Variants in EXD3 observed in about 807,000 individuals in gnomAD.
EXD3 encodes exonuclease 3'-5' domain containing 3.
A neutral mutation model predicts 98.0 loss-of-function variants in EXD3; 92 were observed. That is an observed-to-expected ratio of 0.94 (90% CI 0.79 to 1.12). EXD3 has a LOEUF of 1.12. Ranked by LOEUF, EXD3 falls within the 50% of genes most tolerant of loss-of-function variation. The pLI is 0.00. For missense variants in EXD3, 1,222 were observed against 1,191.6 expected, an observed-to-expected ratio of 1.03 and a Z score of -0.38; for synonymous variants, 569 against 526.0, an observed-to-expected ratio of 1.08 and a Z score of -1.12.
At chr9:137,369,136 C>T (rs1358136514) in intron 5 of EXD3, among the ~76,000 whole-genome samples, 1 of 115,464 alleles carries the variant, frequency 8.7e-6, no homozygotes, top group East Asian at 2.5e-4. Flanking sequence ...TGGGGAGGGG[C>T]GCAGGGCCGG....
rs1339042194 is a variant in EXD3, at chr9:137,401,158, T to TC, written c.-47-5755_-47-5754insG. Among the ~76,000 whole-genome samples, 5 of 146,734 alleles carry TC rather than the reference T, an allele frequency of 3.4e-5. No homozygotes were observed. In the South Asian group the frequency reaches 1.2e-3, roughly 34 times the overall value. On this transcript the variant is annotated intron_variant, in intron 1 of 21. Transcript: ENST00000340951. ...GGGGGCTCCCACCCATTTCCTTTTT[T>TC]TTTTTTTTTTTTTGAGATGGTGTCT...
chr9:137,341,273 C>T (rs906907712), intron 17 of EXD3, among the ~76,000 whole-genome samples: 2 of 152,172 alleles, frequency 1.3e-5, no homozygotes, highest in Admixed American at 1.3e-4. Context: ...GCTGTGATCA[C>T]ACCACTACAC....
At chr9:137,370,001 A>C (rs929168748) in intron 5 of EXD3, among the ~76,000 whole-genome samples, 16 of 152,130 alleles carry the variant, frequency 1.1e-4, no homozygotes, top group Non-Finnish European at 2.4e-4. Flanking sequence ...CCCGGAGCCC[A>C]GTGGGGGCTC....
intron 17 of EXD3, among the ~76,000 whole-genome samples, chr9:137,325,288 T>C (rs1020144750): frequency 6.6e-6 from 1 of 152,044 alleles, no homozygotes; most frequent in Non-Finnish European, 1.5e-5. Flanking sequence ...AAAGCAACAG[T>C]GAAGAGCCAA....
chr9:137,406,351 C>A (rs1837714487), intron 1 of EXD3, among the ~76,000 whole-genome samples: 1 of 144,166 alleles, frequency 6.9e-6, no homozygotes, highest in Non-Finnish European at 1.5e-5. Flanking sequence ...GAGGCCCCTG[C>A]ACAGAACCAG....
rs1831085007 is a variant in EXD3 at position 137,307,143 on chromosome 9, A to G, written c.2438T>C (p.Leu813Pro). ...CAGCACACCCACCGGGACCCCTGCC[A>G]GCTGCAGCCGGGTGCCGTCGGCCAG... is the stretch of plus-strand genomic sequence containing the variant. Reference protein sequence around the residue: ...DMLADGTRLQLAGVPVGVLRT... With the variant: ...DMLADGTRLQPAGVPVGVLRT... The change falls in exon 22 of 22, where the codon CTG (leucine) becomes CCG (proline). Residue 813 changes from leucine to proline, a missense_variant. Leu to Pro is a moderately conservative substitution (Grantham distance 98, BLOSUM62 -3). Coordinates refer to ENST00000340951, the MANE Select transcript of EXD3 (RefSeq NM_017820.5). The G allele has an allele frequency of 1.3e-6, 2 of 1,597,142 alleles. No individual in the cohort carries two copies. The highest frequency in any genetic ancestry group is 1.7e-6 in the Non-Finnish European group (2 of 1,173,002).
intron 1 of EXD3, among the ~76,000 whole-genome samples, chr9:137,411,018 T>C (rs977277943): frequency 3.9e-5 from 6 of 152,110 alleles, no homozygotes; most frequent in African/African-American, 1.4e-4. Context: ...TCAGTGCAGA[T>C]TTCGGTCATT....
intron 17 of EXD3, among the ~76,000 whole-genome samples, chr9:137,340,345 T>C (rs906455007): frequency 6.6e-6 from 1 of 151,826 alleles, no homozygotes; most frequent in Non-Finnish European, 1.5e-5. Context: ...GGTGTGGCGG[T>C]GCGTGCCTGT....
intron 19 of EXD3, among the ~76,000 whole-genome samples, chr9:137,321,543 C>T (rs927637353): frequency 2.0e-5 from 3 of 152,148 alleles, no homozygotes; most frequent in Non-Finnish European, 2.9e-5. Flanking sequence ...ATTAGCCGCC[C>T]GTGGTGGTGG....
intron 5 of EXD3, among the ~76,000 whole-genome samples, chr9:137,370,604 G>GAA (rs71387830): frequency 1.9e-4 from 25 of 129,932 alleles, no homozygotes; most frequent in South Asian, 1.1e-3. Flanking sequence ...CTGCTTTCAG[G>GAA]AAAAAAAAAA....
chr9:137,356,414 T>C (rs527380858), intron 7 of EXD3, 46 bp from the exon 8 acceptor site: 8 of 1,239,342 alleles, frequency 6.5e-6, no homozygotes, highest in East Asian at 2.5e-5. Flanking sequence ...TTTAAGTTAA[T>C]ACATTTTAAG....
At chr9:137,322,767 CCCCG>C (rs746784102) in intron 19 of EXD3, among the ~76,000 whole-genome samples, 2,120 of 30,580 alleles carry the variant, frequency 0.069, 55 homozygotes, top group Non-Finnish European at 0.08. Flanking sequence ...CACCGCGGAC[CCCCG>C]AGGGATTCTC....
In EXD3 at chr9:137,354,434, G is replaced by T. The variant is rs368242141; in HGVS notation, c.832-57C>A. 1,188 of 1,609,466 alleles carry T rather than the reference G, an allele frequency of 7.4e-4. 5 individuals carry two copies. The African/African-American group carries it at 0.013, about 18-fold the overall frequency. ...AGGCAGCTCCAGAGGCTGTATCGGG[G>T]CCTGGTGGGAGTTTTCCTCGACCCC... On this transcript the variant is annotated intron_variant, in intron 9 of 21. Coordinates refer to ENST00000340951, the MANE Select transcript of EXD3 (RefSeq NM_017820.5).
At chr9:137,398,257 C>T (rs1837305067) in intron 1 of EXD3, among the ~76,000 whole-genome samples, 1 of 152,220 alleles carries the variant, frequency 6.6e-6, no homozygotes, top group South Asian at 2.1e-4. Flanking sequence ...CCGTCTGCAG[C>T]ACTGCACGCC....
chr9:137,392,970 C>A (rs1837012845), intron 2 of EXD3: 1 of 584,806 alleles, frequency 1.7e-6, no homozygotes, highest in African/African-American at 2.0e-5. Context: ...GGTGCTGAGG[C>A]TGTTCCAGGG....
chr9:137,409,570 T>C (rs1244987098), intron 1 of EXD3, among the ~76,000 whole-genome samples: 2 of 152,068 alleles, frequency 1.3e-5, no homozygotes, highest in East Asian at 3.9e-4. Context: ...AACAGGTATC[T>C]ATCCAGGCAT....
At chr9:137,408,936 G>A (rs1412272509) in intron 1 of EXD3, among the ~76,000 whole-genome samples, 2 of 152,300 alleles carry the variant, frequency 1.3e-5, no homozygotes, top group South Asian at 2.1e-4. Flanking sequence ...CTTGTACAAG[G>A]CCCCGATGGC....
intron 1 of EXD3, among the ~76,000 whole-genome samples, chr9:137,408,379 T>C (rs931472400): frequency 5.9e-5 from 9 of 151,512 alleles, no homozygotes; most frequent in Admixed American, 4.6e-4. Context: ...AAACCCCGTC[T>C]CTACTAAAAA....
At chr9:137,327,126 G>C (rs1363470167) in intron 17 of EXD3, among the ~76,000 whole-genome samples, 1 of 151,416 alleles carries the variant, frequency 6.6e-6, no homozygotes, top group Non-Finnish European at 1.5e-5. Context: ...ATAACTATTG[G>C]TACGGAGTCT....
Sources: gnomAD v4.1 joint callset for allele counts (sites outside exome capture counted in the v4.1 genomes callset) on GRCh38, gnomAD v4.1.1 for gene constraint, MANE v1.5 for transcripts, NCBI Gene and HGNC (gene_info 2026-07-23, HGNC 2026-07-21) for gene names.